Variants in WDR37 observed in about 807,000 individuals in gnomAD.
WDR37 encodes the protein WD repeat-containing protein 37.
Under a neutral mutation model 62.9 loss-of-function variants are expected in WDR37, and 19 were observed. The ratio of observed to expected loss-of-function variants is 0.30; its 90% confidence interval spans 0.21 to 0.44. The LOEUF is 0.44. WDR37 is among the 20% of genes least tolerant of loss of function. The pLI, the probability that WDR37 is intolerant of heterozygous loss-of-function variation, is 1.00. For missense variants in WDR37, 474 were observed against 657.6 expected (o/e 0.72, Z 3.05); for synonymous variants, 250 against 260.9 (o/e 0.96, Z 0.40).
intron 6 of WDR37, among the ~76,000 whole-genome samples, chr10:1,085,389 A>T (rs959265600): frequency 2.6e-5 from 4 of 152,198 alleles, no homozygotes; most frequent in African/African-American, 9.7e-5. Context: ...AGTGAACACT[A>T]CCTGGGCACG....
intron 2 of WDR37, 51 bp from the exon 3 acceptor site, chr10:1,077,856 C>T (rs758720119): frequency 2.9e-6 from 4 of 1,369,830 alleles, no homozygotes; most frequent in Admixed American, 3.8e-5. Context: ...CATATTTGTA[C>T]TTAGAGTTTT....
chr10:1,075,548 A>T (rs1014878461), intron 2 of WDR37, among the ~76,000 whole-genome samples: 1 of 151,762 alleles, frequency 6.6e-6, no homozygotes, highest in African/African-American at 2.4e-5. Context: ...GACATGATGT[A>T]ATTAGTTGCT....
intron 11 of WDR37, among the ~76,000 whole-genome samples, chr10:1,117,077 C>T (rs1047524372): frequency 6.6e-6 from 1 of 152,108 alleles, no homozygotes; most frequent in Non-Finnish European, 1.5e-5. Context: ...TTTTTTGAGA[C>T]AGGGCGTCAC....
intron 11 of WDR37, among the ~76,000 whole-genome samples, chr10:1,113,472 T>C (rs1426353381): frequency 1.3e-5 from 2 of 151,966 alleles, no homozygotes; most frequent in Admixed American, 6.6e-5. Context: ...AAAATACACT[T>C]TGTAAGGCTA....
At position 1,059,915 on chromosome 10, in the gene WDR37, G is replaced by A. The variant is rs977820557; in HGVS notation, c.-41+2947G>A. 3.0e-4 allele frequency among the ~76,000 whole-genome samples: 46 copies of A among 151,922 alleles called. 1 individual carries two copies. The highest frequency in any genetic ancestry group is 2.8e-3 in the Admixed American group (43 of 15,242). The stretch of plus-strand genomic sequence containing the variant: ...GCTGGAGTGCAGCGGCATGATCTCA[G>A]CTCACCACTGCCTCCACCTCCCAGG... On this transcript the variant is annotated intron_variant, in intron 1 of 13. Transcript: ENST00000263150.
At chr10:1,120,355 G>A (rs142210729) in intron 11 of WDR37, among the ~76,000 whole-genome samples, 3 of 152,350 alleles carry the variant, frequency 2.0e-5, no homozygotes, top group African/African-American at 7.2e-5. Context: ...CTTCCCTTGC[G>A]CTATGAAGCG....
chr10:1,124,147 G>C, intron 11 of WDR37, 71 bp from the exon 12 acceptor site: 2 of 1,599,048 alleles, frequency 1.3e-6, no homozygotes, highest in Non-Finnish European at 1.7e-6. Flanking sequence ...ACTTGGTCAG[G>C]GTTGTGTGTG....
In WDR37 at chr10:1,077,909, T is replaced by G; in HGVS notation, c.141T>G (p.Asp47Glu). ...GLPRDMLEGQ[D>E]SKLPSSVRST... is the part of the protein sequence containing the mutation. The stretch of plus-strand genomic sequence containing the variant: ...TTAAACAAAGTCTTCTTCTGCAGGA[T>G]TCTAAACTGCCTTCCTCGGTTCGCA... Residue 47 changes from aspartate to glutamate, a missense_variant and splice_region_variant, in exon 3 of 14, where the codon GAT becomes GAG. Coordinates refer to ENST00000263150, the MANE Select transcript of WDR37 (RefSeq NM_014023.4). The G allele has an allele frequency of 6.2e-7, 1 of 1,609,450 alleles. No individual in the cohort carries two copies. Among genetic ancestry groups the G allele is most frequent in the Non-Finnish European group, 8.5e-7 (1 of 1,178,306 alleles).
At chr10:1,066,168 T>G (rs757965572) in intron 1 of WDR37, among the ~76,000 whole-genome samples, 3 of 152,146 alleles carry the variant, frequency 2.0e-5, no homozygotes, top group East Asian at 3.9e-4. Flanking sequence ...CAGGTTGGAG[T>G]GCAGTGGCGC....
chr10:1,086,073 C>T (rs187112665), intron 6 of WDR37, among the ~76,000 whole-genome samples: 1 of 152,366 alleles, frequency 6.6e-6, no homozygotes, highest in East Asian at 1.9e-4. Flanking sequence ...TGTCCGTTAG[C>T]TGACTTCATG....
intron 4 of WDR37, 138 bp from the exon 5 acceptor site, chr10:1,080,274 G>A: frequency 7.8e-7 from 1 of 1,274,096 alleles, no homozygotes; most frequent in Non-Finnish European, 1.1e-6. Context: ...TTCCTGTTCT[G>A]CCATGGCTCT....
chr10:1,129,357 C>A lies in WDR37; in HGVS notation c.*13C>A. 1.2e-6 allele frequency: 2 copies of A among 1,613,846 alleles called. No homozygotes were observed. The highest frequency in any genetic ancestry group is 1.7e-6 in the Non-Finnish European group (2 of 1,179,830). On this transcript the variant is annotated 3_prime_UTR_variant, in exon 14 of 14. Transcript: ENST00000263150. ...ACAAGAAAAATAAGGACACCGGCAG[C>A]CCTTAGTTTCACTGTTTGCCAGCAC...
At chr10:1,095,479 T>A (rs1451652809) in intron 8 of WDR37, among the ~76,000 whole-genome samples, 1 of 152,024 alleles carries the variant, frequency 6.6e-6, no homozygotes, top group South Asian at 2.1e-4. Context: ...GAGTTGCAAG[T>A]CCGGGCAGTA....
At chr10:1,113,195 C>A (rs146069673) in intron 11 of WDR37, among the ~76,000 whole-genome samples, 1 of 152,180 alleles carries the variant, frequency 6.6e-6, no homozygotes, top group East Asian at 1.9e-4. Flanking sequence ...ACCTACTCTG[C>A]CTGTGCTCTA....
chr10:1,080,611 A>G, intron 5 of WDR37, 135 bp downstream of exon 5: 1 of 1,051,558 alleles, frequency 9.5e-7, no homozygotes, highest in Non-Finnish European at 1.4e-6. Context: ...TTAGTTTTTT[A>G]AAGGAATGTC....
Position 1,074,632 on chromosome 10 carries a change from C to G in WDR37, c.138+2339C>G, listed in dbSNP as rs540729860. On this transcript the variant is annotated intron_variant, in intron 2 of 13. Transcript: ENST00000263150. ...GGAGAGAGCTGTGGTGTCTGCCGCA[C>G]GCGTTTGGCATGGTAGGTGTGAGGG... 1.0e-4 allele frequency: 83 copies of G among 817,066 alleles called. No homozygotes were observed. In the African/African-American group the frequency reaches 1.5e-3, roughly 15 times the overall value. The allele number at this position is 817,066 out of a possible 1,614,324, so 50.6% of individuals were successfully genotyped here.
intron 5 of WDR37, among the ~76,000 whole-genome samples, chr10:1,081,814 G>C (rs1447190176): frequency 6.6e-6 from 1 of 151,988 alleles, no homozygotes; most frequent in East Asian, 1.9e-4. Flanking sequence ...GGTGTGTACA[G>C]TTGTATATAT....
chr10:1,107,084 G>C (rs564740042), intron 11 of WDR37, among the ~76,000 whole-genome samples: 9 of 152,372 alleles, frequency 5.9e-5, no homozygotes, highest in African/African-American at 1.7e-4. Context: ...CTGCATCAGG[G>C]TGCAGCAGGC....
intron 9 of WDR37, among the ~76,000 whole-genome samples, chr10:1,102,672 C>A (rs1834864177): frequency 6.6e-6 from 1 of 152,182 alleles, no homozygotes; most frequent in Non-Finnish European, 1.5e-5. Flanking sequence ...TATGAGGAAT[C>A]CTCCCCCATG....
Sources: gnomAD v4.1 joint callset for allele counts (sites outside exome capture counted in the v4.1 genomes callset) on GRCh38, gnomAD v4.1.1 for gene constraint, MANE v1.5 for transcripts, NCBI Gene and HGNC (gene_info 2026-07-23, HGNC 2026-07-21) for gene names.